ZNF268: variants seen among roughly 807,000 people sequenced by gnomAD.
ZNF268 encodes the protein zinc finger protein 268, also known as zinc finger protein 3.
In ZNF268, 20 loss-of-function variants were observed where a neutral mutation model predicts 29.3. The observed-to-expected ratio is 0.68, with a 90% CI of 0.48 to 0.99. The LOEUF (loss-of-function observed/expected upper bound fraction) is 0.99, where lower values mean the gene tolerates loss of function less well. Ranked by LOEUF, ZNF268 falls within the 50% of genes least tolerant of loss-of-function variation. ZNF268 has a pLI of 0.00. For missense variants in ZNF268, 1,240 were observed against 1,121.6 expected, an observed-to-expected ratio of 1.11 and a Z score of -1.51; for synonymous variants, 429 against 376.9, an observed-to-expected ratio of 1.14 and a Z score of -1.60.
At chr12:133,187,833 A>G (rs778441005) in intron 2 of ZNF268, 39 bp from the exon 3 acceptor site, 1 of 1,545,268 alleles carries the variant, frequency 6.5e-7, no homozygotes, top group South Asian at 1.2e-5. Flanking sequence ...CCCAAAGGAA[A>G]TAATGCTCGC....
chr12:133,188,485 C>G (rs1956381099), intron 3 of ZNF268, among the ~76,000 whole-genome samples: 1 of 152,222 alleles, frequency 6.6e-6, no homozygotes, highest in Non-Finnish European at 1.5e-5. Flanking sequence ...TCATGAGCCA[C>G]TGTGCCTGGC....
chr12:133,184,018 T>A (rs1057493930), intron 2 of ZNF268, among the ~76,000 whole-genome samples: 1 of 152,200 alleles, frequency 6.6e-6, no homozygotes, highest in Non-Finnish European at 1.5e-5. Context: ...GAGGAACTTA[T>A]AACAGATACT....
intron 5 of ZNF268, chr12:133,193,417 A>G (rs187535700): frequency 1.5e-6 from 1 of 654,542 alleles, no homozygotes; most frequent in East Asian, 2.7e-5. Context: ...ACAGAAATTT[A>G]TTTCTCACAG....
Position 133,191,949 on chromosome 12 carries a change from C to A in ZNF268, c.403C>A (p.Gln135Lys). 3 of 1,614,118 alleles carry A rather than the reference C, an allele frequency of 1.9e-6. No homozygotes were observed. Among genetic ancestry groups the A allele is most frequent in the Non-Finnish European group, 2.5e-6 (3 of 1,180,024 alleles). The change falls in exon 5 of 6, where the codon CAA becomes AAA. Residue 135 changes from glutamine (Q) to lysine (K), a missense_variant. Coordinates refer to ENST00000536435, the MANE Select transcript of ZNF268 (RefSeq NM_003415.3). ...ACCTGATATCATCTTCAAGTTGGAA[C>A]AAGGAGAAGAGCTGTGTATGGTGCA... ...TKPDIIFKLE[Q>K]GEELCMVQAQ...
At chr12:133,201,405 C>T (rs1956749201) in intron 5 of ZNF268, among the ~76,000 whole-genome samples, 5 of 152,014 alleles carry the variant, frequency 3.3e-5, no homozygotes, top group Admixed American at 2.6e-4. Context: ...TCAAGAGTAG[C>T]TTCCTGGAAA....
chr12:133,211,163 TA>T lies in ZNF268; in HGVS notation c.*6637del, dbSNP rs745451764. On this transcript the variant is annotated 3_prime_UTR_variant, in exon 6 of 6. Transcript: ENST00000536435. ...AGCAATAATTGGAATTTGTAATGAA[TA>T]AAATCATTCAAAAAAATCTGAAAAA... 7.6e-5 allele frequency: 27 copies of T among 353,660 alleles called. No homozygotes were observed. The highest frequency in any genetic ancestry group is 5.6e-4 in the African/African-American group (26 of 46,374). 21.9% of individuals were successfully genotyped at this position (353,660 alleles called of 1,614,324 possible).
At chr12:133,195,245 G>A (rs2135505551) in intron 5 of ZNF268, among the ~76,000 whole-genome samples, 1 of 152,282 alleles carries the variant, frequency 6.6e-6, no homozygotes, top group East Asian at 1.9e-4. Flanking sequence ...TTGGGGAAAT[G>A]GCTTTTCTGT....
intron 3 of ZNF268, 126 bp from the exon 4 acceptor site, chr12:133,191,363 G>T: frequency 2.9e-6 from 3 of 1,019,576 alleles, no homozygotes; most frequent in Non-Finnish European, 4.4e-6. Flanking sequence ...AATGCACATT[G>T]ATGGATGTTT....
Position 133,212,357 on chromosome 12 carries a change from A to C in ZNF268, c.*7827A>C, listed in dbSNP as rs904222566. The stretch of plus-strand genomic sequence containing the variant: ...TAATGCCAGCATGAACAAAAAGGCC[A>C]CTTATCACTCCAGGAGAGCAGGGTG... On this transcript the variant is annotated 3_prime_UTR_variant, in exon 6 of 6. Transcript: ENST00000536435. 3 of 151,196 alleles carry C rather than the reference A, an allele frequency of 2.0e-5. No homozygotes were observed. Among genetic ancestry groups the C allele is most frequent in the African/African-American group, 7.3e-5 (3 of 41,036 alleles). 9.4% of individuals were successfully genotyped at this position (151,196 alleles called of 1,614,324 possible).
In ZNF268 at chr12:133,203,176, T is replaced by C; in HGVS notation, c.1490T>C (p.Met497Thr). 1 of 1,537,662 alleles carries C rather than the reference T, an allele frequency of 6.5e-7. No homozygotes were observed. The highest frequency in any genetic ancestry group is 8.7e-7 in the Non-Finnish European group (1 of 1,146,800). Residue 497 changes from methionine (M) to threonine (T), a missense_variant, in exon 6 of 6, where the codon ATG becomes ACG. Transcript: ENST00000536435. ...LIVHQRSHTG[M>T]KPYVCNECGK... ...GTACATCAGAGAAGTCACACAGGAA[T>C]GAAACCTTATGTATGCAATGAATGT... is the stretch of plus-strand genomic sequence containing the variant.
rs1555305652 is a variant in ZNF268, at chr12:133,212,465, A to ATATG, written c.*7938_*7939insGTAT. 4 of 52,900 alleles carry ATATG rather than the reference A, an allele frequency of 7.6e-5. No individual in the cohort carries two copies. The Admixed American group carries it at 8.8e-4, about 12-fold the overall frequency. 3.3% of individuals were successfully genotyped at this position (52,900 alleles called of 1,614,324 possible). ...TGATTTTATATATATATATATATAT[A>ATATG]TATATATATATATATATATATATAT... is the stretch of plus-strand genomic sequence containing the variant. On this transcript the variant is annotated 3_prime_UTR_variant, in exon 6 of 6. Transcript: ENST00000536435.
Position 133,204,778 on chromosome 12 carries a change from C to A in ZNF268, c.*248C>A. 2.6e-6 allele frequency: 1 copy of A among 391,158 alleles called. No individual in the cohort carries two copies. 24.2% of individuals were successfully genotyped at this position (391,158 alleles called of 1,614,324 possible). On this transcript the variant is annotated 3_prime_UTR_variant, in exon 6 of 6. Coordinates refer to ENST00000536435, the MANE Select transcript of ZNF268 (RefSeq NM_003415.3). ...TGAAAATTTTTAGCAGCAAGTCATA[C>A]CTTTTTTTAAAAAGTTCATACAGGT...
chr12:133,196,698 G>C (rs1384296423), intron 5 of ZNF268, among the ~76,000 whole-genome samples: 1 of 152,164 alleles, frequency 6.6e-6, no homozygotes, highest in African/African-American at 2.4e-5. Flanking sequence ...TTTTCATTTT[G>C]TTGGGGACAG....
intron 5 of ZNF268, among the ~76,000 whole-genome samples, chr12:133,192,709 G>A (rs993476589): frequency 8.6e-5 from 13 of 150,984 alleles, no homozygotes; most frequent in Middle Eastern, 3.2e-3. Context: ...TCATTCTGTC[G>A]CCCAGGCTGG....
intron 3 of ZNF268, among the ~76,000 whole-genome samples, chr12:133,188,414 C>G (rs1001243567): frequency 6.6e-6 from 1 of 152,114 alleles, no homozygotes; most frequent in Non-Finnish European, 1.5e-5. Context: ...TCAGGCTGGT[C>G]ATCAACTCCT....
chr12:133,208,070 G>C lies in ZNF268; in HGVS notation c.*3540G>C, dbSNP rs1956931086. 1 of 152,196 alleles carries C rather than the reference G, an allele frequency of 6.6e-6. No homozygotes were observed. The highest frequency in any genetic ancestry group is 1.5e-5 in the Non-Finnish European group (1 of 68,052). 9.4% of individuals were successfully genotyped at this position (152,196 alleles called of 1,614,324 possible). On this transcript the variant is annotated 3_prime_UTR_variant, in exon 6 of 6. Coordinates refer to ENST00000536435, the MANE Select transcript of ZNF268 (RefSeq NM_003415.3). ...GATTCCTTTAAAGTAAAATTAGCCA[G>C]GTGCAGTGGCTCATCCATGTAATAC...
chr12:133,204,411 G>A lies in ZNF268; in HGVS notation c.2725G>A (p.Ala909Thr). The A allele has an allele frequency of 6.4e-7, 1 of 1,568,260 alleles. No homozygotes were observed. The highest frequency in any genetic ancestry group is 1.2e-5 in the South Asian group (1 of 86,546). Reference sequence around the variant, plus strand: ...CTTCTCTCAAAAATCAATTCTCAGTGCACATCAGAGAACACATACAGGAGA... The same window carrying A: ...CTTCTCTCAAAAATCAATTCTCAGTACACATCAGAGAACACATACAGGAGA... ...KTFSQKSILS[A>T]HQRTHTGEKP... Residue 909 changes from alanine (A) to threonine (T), a missense_variant, in exon 6 of 6, where the codon GCA (alanine) becomes ACA (threonine). Ala to Thr is a moderately conservative substitution (Grantham distance 58). This residue lies in a region of ZNF268 where 1,177 missense variants were observed against 1,039.6 expected (regional missense o/e 1.13). Transcript: ENST00000536435.
In ZNF268 at chr12:133,203,460, G is replaced by A. The variant is rs907420826; in HGVS notation, c.1774G>A (p.Ala592Thr). The change falls in exon 6 of 6, where the codon GCT becomes ACT. Residue 592 changes from alanine to threonine, a missense_variant. Coordinates refer to ENST00000536435, the MANE Select transcript of ZNF268 (RefSeq NM_003415.3). Reference protein sequence around the residue: ...KPYECTDCGKAFGLKSQLIIH... With the variant: ...KPYECTDCGKTFGLKSQLIIH... ...TTATGAATGCACCGACTGTGGAAAG[G>A]CTTTTGGTTTAAAGTCACAGCTTAT... 1 of 1,542,146 alleles carries A rather than the reference G, an allele frequency of 6.5e-7. No individual in the cohort carries two copies. The highest frequency in any genetic ancestry group is 8.7e-7 in the Non-Finnish European group (1 of 1,148,482).
chr12:133,190,982 T>C (rs1956453426), intron 3 of ZNF268, among the ~76,000 whole-genome samples: 1 of 152,110 alleles, frequency 6.6e-6, no homozygotes, highest in Non-Finnish European at 1.5e-5. Context: ...GAAGGTCCCA[T>C]ATCTGAGCAC....
Sources: allele counts gnomAD v4.1 joint callset (sites outside exome capture counted in the v4.1 genomes callset), GRCh38; gene constraint gnomAD v4.1.1; regional missense constraint gnomAD v4.1.1; transcripts MANE v1.5; gene names NCBI Gene and HGNC (gene_info 2026-07-23, HGNC 2026-07-21).